DPP10: variants seen among roughly 807,000 people sequenced by gnomAD.
The protein encoded by DPP10 is inactive dipeptidyl peptidase 10.
In DPP10, 33 loss-of-function variants were observed where a neutral mutation model predicts 120.9. That is an observed-to-expected ratio of 0.27 (90% CI 0.21 to 0.37). The LOEUF (loss-of-function observed/expected upper bound fraction) is 0.37, where lower values mean the gene tolerates loss of function less well. Ranked by LOEUF, DPP10 falls within the 10% of genes least tolerant of loss-of-function variation. DPP10 has a pLI of 1.00. For synonymous variants in DPP10, 337 were observed against 326.1 expected, an observed-to-expected ratio of 1.03 and a Z score of -0.36; for missense variants, 816 against 942.8, an observed-to-expected ratio of 0.87 and a Z score of 1.76.
At chr2:115,440,414 T>C (rs550474479) in intron 3 of DPP10, among the ~76,000 whole-genome samples, 1 of 151,866 alleles carries the variant, frequency 6.6e-6, no homozygotes, top group Non-Finnish European at 1.5e-5. Context: ...ATTCCTTTTT[T>C]GTCTGTGTTT....
At chr2:115,106,601 C>T (rs967028148) in intron 1 of DPP10, among the ~76,000 whole-genome samples, 6 of 151,914 alleles carry the variant, frequency 3.9e-5, no homozygotes, top group African/African-American at 1.5e-4. Flanking sequence ...GCTGGGACTA[C>T]AGCGCATGCC....
chr2:114,546,015 T>G (rs1334469048), intron 1 of DPP10, among the ~76,000 whole-genome samples: 1 of 152,212 alleles, frequency 6.6e-6, no homozygotes, highest in Non-Finnish European at 1.5e-5. Flanking sequence ...TTTTATTCCT[T>G]GGAAGCAGTT....
chr2:115,170,863 C>G (rs952237470), intron 1 of DPP10, among the ~76,000 whole-genome samples: 15 of 152,120 alleles, frequency 9.9e-5, no homozygotes, highest in African/African-American at 3.4e-4. Context: ...CAACTTTAGG[C>G]CACTGTGGCA....
At chr2:115,424,589 T>A (rs1303867241) in intron 3 of DPP10, among the ~76,000 whole-genome samples, 1 of 152,078 alleles carries the variant, frequency 6.6e-6, no homozygotes, top group African/African-American at 2.4e-5. Flanking sequence ...CTTTGTTACT[T>A]CTTGTTTGCC....
chr2:114,729,511 C>T (rs1574057831), intron 1 of DPP10, among the ~76,000 whole-genome samples: 1 of 152,184 alleles, frequency 6.6e-6, no homozygotes, highest in South Asian at 2.1e-4. Context: ...AAATTTCTTT[C>T]CATCTGAAAT....
intron 1 of DPP10, among the ~76,000 whole-genome samples, chr2:115,227,924 CTTT>C (rs70941034): frequency 3.2e-4 from 39 of 120,408 alleles, no homozygotes; most frequent in Non-Finnish European, 4.5e-4. Flanking sequence ...CTTTTTTTTC[CTTT>C]TTTTTTTTTT....
chr2:115,646,108 GCACACA>G (rs71394157), intron 5 of DPP10, among the ~76,000 whole-genome samples: 1 of 150,688 alleles, frequency 6.6e-6, no homozygotes, highest in African/African-American at 2.4e-5. Flanking sequence ...GTGCGTGCGC[GCACACA>G]CACACACACA....
intron 1 of DPP10, among the ~76,000 whole-genome samples, chr2:114,985,678 G>C (rs1353892805): frequency 1.3e-5 from 2 of 152,196 alleles, no homozygotes; most frequent in African/African-American, 4.8e-5. Context: ...GAATAGAAAG[G>C]CTGGACGCAG....
At chr2:114,494,121 A>AAAAAAAAAAC (rs1553450295) in intron 1 of DPP10, among the ~76,000 whole-genome samples, 3 of 147,476 alleles carry the variant, frequency 2.0e-5, no homozygotes, top group African/African-American at 7.7e-5. Context: ...AAAAAAAAAA[A>AAAAAAAAAAC]CCCAGCAAAT....
At chr2:114,752,233 T>C (rs1038124701) in intron 1 of DPP10, among the ~76,000 whole-genome samples, 2 of 152,184 alleles carry the variant, frequency 1.3e-5, no homozygotes, top group Non-Finnish European at 2.9e-5. Context: ...CATGTGCTGG[T>C]TCCCCCTACT....
intron 19 of DPP10, among the ~76,000 whole-genome samples, chr2:115,806,198 A>G (rs572893393): frequency 6.6e-6 from 1 of 152,302 alleles, no homozygotes; most frequent in East Asian, 1.9e-4. Flanking sequence ...TCTGGCTAAG[A>G]ATTCCAATTT....
chr2:115,063,366 T>C (rs972693263), intron 1 of DPP10, among the ~76,000 whole-genome samples: 2 of 152,222 alleles, frequency 1.3e-5, no homozygotes, highest in Non-Finnish European at 2.9e-5. Context: ...TAGTTTCTTT[T>C]GCTGTGCAGA....
chr2:115,129,517 A>C (rs1390207759), intron 1 of DPP10, among the ~76,000 whole-genome samples: 1 of 152,208 alleles, frequency 6.6e-6, no homozygotes, highest in Non-Finnish European at 1.5e-5. Context: ...TCTGTAAAGG[A>C]GAGGCATATG....
At chr2:114,962,395 A>G (rs756507564) in intron 1 of DPP10, among the ~76,000 whole-genome samples, 14 of 152,194 alleles carry the variant, frequency 9.2e-5, no homozygotes, top group Admixed American at 6.5e-4. Flanking sequence ...AATTCATTCA[A>G]TCTCTCATGG....
intron 1 of DPP10, among the ~76,000 whole-genome samples, chr2:115,162,611 GGGAGC>G: frequency 6.6e-6 from 1 of 152,122 alleles, no homozygotes; most frequent in Non-Finnish European, 1.5e-5. Flanking sequence ...ACGGAGCTTG[GGGAGC>G]GGCGAGGCAT....
chr2:115,560,392 AAAAAAAAAAAAATATATATAT>A (rs2080513985), intron 5 of DPP10, among the ~76,000 whole-genome samples: 1 of 48,322 alleles, frequency 2.1e-5, no homozygotes, highest in Non-Finnish European at 3.7e-5. Context: ...AAAAAAAAAA[AAAAAAAAAAAAATATATATAT>A]ATATATATAT....
At chr2:115,506,472 A>G (rs1394564208) in intron 4 of DPP10, among the ~76,000 whole-genome samples, 1 of 152,068 alleles carries the variant, frequency 6.6e-6, no homozygotes, top group Non-Finnish European at 1.5e-5. Flanking sequence ...TAAGGAAAAC[A>G]TTTCTTGACT....
chr2:115,097,299 G>T (rs1284940214), intron 1 of DPP10, among the ~76,000 whole-genome samples: 1 of 152,054 alleles, frequency 6.6e-6, no homozygotes, highest in African/African-American at 2.4e-5. Context: ...TCCAGTTAAA[G>T]ACCAAATTTT....
At chr2:115,840,464 A>T (rs888997313) in intron 24 of DPP10, among the ~76,000 whole-genome samples, 1 of 151,360 alleles carries the variant, frequency 6.6e-6, no homozygotes, top group Non-Finnish European at 1.5e-5. Flanking sequence ...AGCTGGGACT[A>T]CAGGTGCCCG....
Sources: gnomAD v4.1 joint callset for allele counts (sites outside exome capture counted in the v4.1 genomes callset) on GRCh38, gnomAD v4.1.1 for gene constraint, MANE v1.5 for transcripts, NCBI Gene and HGNC (gene_info 2026-07-23, HGNC 2026-07-21) for gene names.